Variants in EMSY observed in about 807,000 individuals in gnomAD.
The protein encoded by EMSY is BRCA2-interacting transcriptional repressor EMSY.
In EMSY, 26 loss-of-function variants were observed where a neutral mutation model predicts 134.6. That is an observed-to-expected ratio of 0.19 (90% CI 0.14 to 0.27). The LOEUF is 0.27. Among genes scored for constraint, EMSY ranks in the 10% least tolerant of loss-of-function variants. The probability of loss-of-function intolerance (pLI) is 1.00; values close to 1 mark genes in which losing one functional copy is unlikely to be tolerated. For missense variants in EMSY, 1,305 were observed against 1,611.4 expected, an observed-to-expected ratio of 0.81 and a Z score of 3.26; for synonymous variants, 579 against 577.8, an observed-to-expected ratio of 1.00 and a Z score of -0.03.
At chr11:76,489,237 G>T (rs2135656121) in intron 8 of EMSY, among the ~76,000 whole-genome samples, 1 of 151,930 alleles carries the variant, frequency 6.6e-6, no homozygotes, top group East Asian at 1.9e-4. Context: ...AATGGTTTTA[G>T]AATAATTGAC....
chr11:76,513,582 A>G lies in EMSY; in HGVS notation c.1513+47A>G, dbSNP rs768219110. ...TTCATTTATTCATCATACATTCATC[A>G]AACAGTTTCTCTGTACCAGCAATAT... On this transcript the variant is annotated intron_variant, in intron 10 of 20. Coordinates refer to ENST00000334736, the Ensembl canonical transcript of EMSY. 3.8e-6 allele frequency: 6 copies of G among 1,592,336 alleles called. No homozygotes were observed. The South Asian group carries it at 5.7e-5, about 15-fold the overall frequency.
chr11:76,498,897 T>G (rs1030534918), intron 9 of EMSY, among the ~76,000 whole-genome samples: 17 of 152,254 alleles, frequency 1.1e-4, no homozygotes, highest in Non-Finnish European at 2.5e-4. Flanking sequence ...TATTGTTGTA[T>G]TTGAAGTGAG....
exon 9 of EMSY, chr11:76,496,338 A>G: frequency 6.2e-7 from 1 of 1,614,208 alleles, no homozygotes; most frequent in African/African-American, 1.3e-5. Context: ...CCTAAGCAGC[A>G]GTTATATCAA....
chr11:76,524,810 G>T (rs1319238385), intron 12 of EMSY, among the ~76,000 whole-genome samples: 3 of 152,162 alleles, frequency 2.0e-5, no homozygotes, highest in Non-Finnish European at 4.4e-5. Flanking sequence ...GATCACTTGA[G>T]CCCAAGAGTT....
At chr11:76,476,130 A>G (rs1388697101) in intron 8 of EMSY, among the ~76,000 whole-genome samples, 1 of 152,240 alleles carries the variant, frequency 6.6e-6, no homozygotes, top group Non-Finnish European at 1.5e-5. Context: ...ATGCATTTCC[A>G]TAAAACTGGT....
Position 76,517,311 on chromosome 11 carries a change from T to C in EMSY, c.1684+999T>C, listed in dbSNP as rs577277028. Among the ~76,000 whole-genome samples the C allele has an allele frequency of 2.6e-5, 4 of 152,300 alleles. No homozygotes were observed. The East Asian group carries it at 7.7e-4, about 29-fold the overall frequency. ...TTTAAGTGTAAGTGAGAAAATCCGA[T>C]GTTTGCCAGACTGAGGAGGGTGAAA... On this transcript the variant is annotated intron_variant, in intron 11 of 20. Transcript: ENST00000334736.
chr11:76,510,587 C>G (rs1242734822), intron 9 of EMSY, among the ~76,000 whole-genome samples: 1 of 152,156 alleles, frequency 6.6e-6, no homozygotes, highest in Admixed American at 6.5e-5. Context: ...CACTGCCTCA[C>G]AAGCCAGGGC....
exon 12 of EMSY, chr11:76,523,213 A>G: frequency 1.2e-6 from 2 of 1,613,880 alleles, no homozygotes; most frequent in Non-Finnish European, 1.7e-6. Context: ...TGATTGTTGT[A>G]CAAAAGACTA....
chr11:76,549,497 CTACATT>C (rs545128803), intron 20 of EMSY, among the ~76,000 whole-genome samples: 1,533 of 139,454 alleles, frequency 0.011, 26 homozygotes, highest in African/African-American at 0.037. Context: ...CAAAATTAGG[CTACATT>C]TACATTTACA....
chr11:76,470,138 C>T (rs1277929879), intron 7 of EMSY, among the ~76,000 whole-genome samples: 3 of 152,100 alleles, frequency 2.0e-5, no homozygotes, highest in Non-Finnish European at 4.4e-5. Flanking sequence ...GTCCTGAGTA[C>T]AGATATATTC....
chr11:76,494,708 TTCCTTCCTTCCTTCCTTCC>T (rs1466695691), intron 8 of EMSY, among the ~76,000 whole-genome samples: 2 of 102,880 alleles, frequency 1.9e-5, no homozygotes, highest in Non-Finnish European at 4.0e-5. Flanking sequence ...CCTTCCTTCC[TTCCTTCCTTCCTTCCTTCC>T]TTCCTTCCTT....
intron 9 of EMSY, among the ~76,000 whole-genome samples, chr11:76,500,969 A>C (rs1949837345): frequency 6.6e-6 from 1 of 152,228 alleles, no homozygotes; most frequent in African/African-American, 2.4e-5. Context: ...TTGATACTCA[A>C]ATCTGTGGAT....
exon 15 of EMSY, chr11:76,536,037 G>A (rs754982445): frequency 6.0e-5 from 95 of 1,574,608 alleles, no homozygotes; most frequent in Non-Finnish European, 7.8e-5. Flanking sequence ...TCAAAGCTCT[G>A]TTAGAACTCC....
At chr11:76,446,586 C>T (rs1456150107) in intron 1 of EMSY, among the ~76,000 whole-genome samples, 1 of 152,122 alleles carries the variant, frequency 6.6e-6, no homozygotes, top group Admixed American at 6.5e-5. Flanking sequence ...TTCTTTAATA[C>T]GCGTAACAAA....
intron 9 of EMSY, among the ~76,000 whole-genome samples, chr11:76,505,586 A>G (rs1590923117): frequency 6.7e-6 from 1 of 148,558 alleles, no homozygotes; most frequent in African/African-American, 2.5e-5. Flanking sequence ...GGCTGGGCAC[A>G]GTGGCTCACG....
intron 9 of EMSY, among the ~76,000 whole-genome samples, chr11:76,502,948 T>C (rs956486873): frequency 6.6e-6 from 1 of 152,002 alleles, no homozygotes; most frequent in East Asian, 1.9e-4. Context: ...CCAAAATTCA[T>C]ATGGAATTTG....
chr11:76,469,305 G>A (rs1445858173), intron 7 of EMSY, among the ~76,000 whole-genome samples: 1 of 152,116 alleles, frequency 6.6e-6, no homozygotes, highest in African/African-American at 2.4e-5. Context: ...TCTTATCTGG[G>A]CCTCAAAGTC....
At chr11:76,532,728 G>A (rs1360016601) in intron 14 of EMSY, among the ~76,000 whole-genome samples, 5 of 152,050 alleles carry the variant, frequency 3.3e-5, no homozygotes, top group Admixed American at 1.3e-4. Context: ...ACAAACCCAA[G>A]GGCAGAGATT....
intron 9 of EMSY, chr11:76,497,337 C>T (rs1449086251): frequency 6.6e-6 from 1 of 152,096 alleles, no homozygotes. Flanking sequence ...TGCCTTTGTC[C>T]AATTTTGGTC....
Sources: allele counts gnomAD v4.1 joint callset (sites outside exome capture counted in the v4.1 genomes callset), GRCh38; gene constraint gnomAD v4.1.1; transcripts MANE v1.5; gene names NCBI Gene and HGNC (gene_info 2026-07-23, HGNC 2026-07-21).